GPC6: variants seen among roughly 807,000 people sequenced by gnomAD.
The protein encoded by GPC6 is glypican-6.
Under a neutral mutation model 55.2 loss-of-function variants are expected in GPC6, and 14 were observed. The ratio of observed to expected loss-of-function variants is 0.25; its 90% CI spans 0.17 to 0.40. GPC6 has a LOEUF of 0.40. Among genes scored for constraint, GPC6 ranks in the 10% least tolerant of loss-of-function variants. GPC6 has a pLI of 1.00. For missense variants in GPC6, 641 were observed against 708.5 expected, an observed-to-expected ratio of 0.90 and a Z score of 1.08; for synonymous variants, 278 against 259.6, an observed-to-expected ratio of 1.07 and a Z score of -0.68.
At chr13:94,243,948 G>C (rs1198874779) in intron 4 of GPC6, among the ~76,000 whole-genome samples, 1 of 152,090 alleles carries the variant, frequency 6.6e-6, no homozygotes, top group Non-Finnish European at 1.5e-5. Flanking sequence ...GAGAGGTAAA[G>C]CTGCCCCTAT....
chr13:94,353,271 T>C (rs1273014167), intron 6 of GPC6, among the ~76,000 whole-genome samples: 1 of 150,820 alleles, frequency 6.6e-6, no homozygotes, highest in Non-Finnish European at 1.5e-5. Flanking sequence ...CAAAAATGAG[T>C]GCGGCTTTGC....
At chr13:93,893,380 G>T (rs1171322052) in intron 3 of GPC6, among the ~76,000 whole-genome samples, 5 of 151,952 alleles carry the variant, frequency 3.3e-5, no homozygotes, top group African/African-American at 1.2e-4. Context: ...ATTTTTGACA[G>T]TTTATCAAAA....
intron 2 of GPC6, among the ~76,000 whole-genome samples, chr13:93,600,853 G>C (rs1877979632): frequency 6.6e-6 from 1 of 150,966 alleles, no homozygotes; most frequent in Non-Finnish European, 1.5e-5. Context: ...GGGAGGCTGA[G>C]GCAGGAGAAT....
intron 6 of GPC6, among the ~76,000 whole-genome samples, chr13:94,324,698 G>GT (rs1264135296): frequency 4.1e-5 from 4 of 98,714 alleles, no homozygotes; most frequent in African/African-American, 2.2e-4. Flanking sequence ...CAAGACCTGG[G>GT]TTTTTTGTTT....
intron 3 of GPC6, among the ~76,000 whole-genome samples, chr13:93,896,617 A>G (rs544081791): frequency 2.4e-4 from 36 of 152,238 alleles, no homozygotes; most frequent in African/African-American, 7.5e-4. Flanking sequence ...ACGATTACCT[A>G]TACACAAAAT....
At chr13:94,085,797 C>G (rs543891265) in intron 4 of GPC6, among the ~76,000 whole-genome samples, 309 of 152,100 alleles carry the variant, frequency 2.0e-3, no homozygotes, top group Non-Finnish European at 3.7e-3. Context: ...AATCCAGTGC[C>G]CTTCTTACTA....
At chr13:94,212,837 C>T (rs1246442677) in intron 4 of GPC6, among the ~76,000 whole-genome samples, 1 of 152,162 alleles carries the variant, frequency 6.6e-6, no homozygotes, top group Non-Finnish European at 1.5e-5. Flanking sequence ...AATCAAGGCA[C>T]AGATACGTTA....
intron 1 of GPC6, among the ~76,000 whole-genome samples, chr13:93,241,418 T>C (rs1423805337): frequency 6.6e-6 from 1 of 152,200 alleles, no homozygotes; most frequent in Non-Finnish European, 1.5e-5. Flanking sequence ...TTCTTTTGCT[T>C]GGTCTAGTCT....
chr13:93,736,916 A>T (rs1290821313), intron 2 of GPC6, among the ~76,000 whole-genome samples: 1 of 152,178 alleles, frequency 6.6e-6, no homozygotes, highest in South Asian at 2.1e-4. Context: ...TGTTAGCTAA[A>T]CTGAGAAAGG....
At chr13:94,004,201 C>T (rs986951677) in intron 3 of GPC6, among the ~76,000 whole-genome samples, 1 of 151,968 alleles carries the variant, frequency 6.6e-6, no homozygotes, top group Non-Finnish European at 1.5e-5. Context: ...TTTGTCTATA[C>T]CACAAATTAA....
chr13:93,979,311 GTGTGTGTTTGTGTGTGTTTTTT>G (rs1880671874), intron 3 of GPC6, among the ~76,000 whole-genome samples: 1 of 146,838 alleles, frequency 6.8e-6, no homozygotes, highest in Non-Finnish European at 1.5e-5. Context: ...GTGTGTGTGT[GTGTGTGTTTGTGTGTGTTTTTT>G]TGTGTGTGTG....
At chr13:93,924,591 G>A (rs573955170) in intron 3 of GPC6, among the ~76,000 whole-genome samples, 7 of 152,186 alleles carry the variant, frequency 4.6e-5, no homozygotes, top group African/African-American at 1.7e-4. Flanking sequence ...TTTGAATTCA[G>A]GGTTCAGGAT....
chr13:94,190,247 G>A (rs189387398), intron 4 of GPC6, among the ~76,000 whole-genome samples: 1 of 152,026 alleles, frequency 6.6e-6, no homozygotes. Flanking sequence ...TTGAACCCGG[G>A]AGGCGGAGGT....
chr13:93,812,354 C>T (rs931871563), intron 2 of GPC6, among the ~76,000 whole-genome samples: 1 of 151,448 alleles, frequency 6.6e-6, no homozygotes, highest in African/African-American at 2.4e-5. Context: ...CCACTGCACT[C>T]CAGCCTGGGT....
rs114688888 is a variant in GPC6, at chr13:94,227,866, T to C, written c.878-58483T>C. Among the ~76,000 whole-genome samples the C allele has an allele frequency of 2.1e-3, 319 of 152,250 alleles. 3 individuals are homozygous for C. Among genetic ancestry groups the C allele is most frequent in the African/African-American group, 7.2e-3 (301 of 41,558 alleles). ...TAGAAAGAAAACAATGAAAGAGCCCTGGAGAGTCTCATACCAGCAAGAAAA... is the reference window on the plus strand; with the variant it reads ...TAGAAAGAAAACAATGAAAGAGCCCCGGAGAGTCTCATACCAGCAAGAAAA... On this transcript the variant is annotated intron_variant, in intron 4 of 8. Transcript: ENST00000377047.
intron 1 of GPC6, among the ~76,000 whole-genome samples, chr13:93,292,953 G>C (rs1328502141): frequency 6.6e-6 from 1 of 152,176 alleles, no homozygotes; most frequent in East Asian, 1.9e-4. Context: ...TCTTTGGCCA[G>C]TGTGTCTAGT....
intron 3 of GPC6, among the ~76,000 whole-genome samples, chr13:93,885,230 T>A (rs1264701562): frequency 1.3e-5 from 2 of 151,358 alleles, no homozygotes; most frequent in African/African-American, 4.9e-5. Context: ...GGATACCCTT[T>A]GATCCAGCAA....
chr13:94,199,923 A>G (rs1333938022), intron 4 of GPC6, among the ~76,000 whole-genome samples: 2 of 152,122 alleles, frequency 1.3e-5, no homozygotes, highest in African/African-American at 4.8e-5. Flanking sequence ...TTGGGAGGCC[A>G]GGGCAGGTGG....
intron 6 of GPC6, among the ~76,000 whole-genome samples, chr13:94,307,204 A>C (rs759906236): frequency 2.6e-5 from 4 of 152,252 alleles, no homozygotes; most frequent in Non-Finnish European, 5.9e-5. Context: ...TAAAGGGGTA[A>C]CTAACTGTTA....
Sources: gnomAD v4.1 joint callset for allele counts (sites outside exome capture counted in the v4.1 genomes callset) on GRCh38, gnomAD v4.1.1 for gene constraint, MANE v1.5 for transcripts, NCBI Gene and HGNC (gene_info 2026-07-23, HGNC 2026-07-21) for gene names.